Variants in TENT5B observed in about 807,000 individuals in gnomAD.
TENT5B encodes family with sequence similarity 46 member B.
TENT5B carries 12 observed loss-of-function variants against 21.7 expected under a neutral mutation model. The ratio of observed to expected loss-of-function variants is 0.55; its 90% CI spans 0.36 to 0.90. The LOEUF is 0.90. Among genes scored for constraint, TENT5B ranks in the 40% least tolerant of loss-of-function variants. TENT5B has a pLI of 0.01. For missense variants in TENT5B, 540 were observed against 601.5 expected, an observed-to-expected ratio of 0.90 and a Z score of 1.07; for synonymous variants, 262 against 266.6, an observed-to-expected ratio of 0.98 and a Z score of 0.17.
At chr1:27,008,977 CTTTTTTTTTTTTTTT>C (rs58360969) in intron 1 of TENT5B, among the ~76,000 whole-genome samples, 10 of 31,006 alleles carry the variant, frequency 3.2e-4, no homozygotes, top group African/African-American at 4.1e-4. Context: ...CTCCATCCTT[CTTTTTTTTTTTTTTT>C]TTTTTTTTTT....
At chr1:27,010,740 C>G (rs755245929) in intron 1 of TENT5B, among the ~76,000 whole-genome samples, 2 of 152,214 alleles carry the variant, frequency 1.3e-5, no homozygotes, top group Non-Finnish European at 2.9e-5. Context: ...GCTCCCTGTT[C>G]TGTGCTATCT....
At chr1:27,008,974 CTTCTTTTTTT>C (rs2082612729) in intron 1 of TENT5B, among the ~76,000 whole-genome samples, 1 of 106,368 alleles carries the variant, frequency 9.4e-6, no homozygotes, top group African/African-American at 3.9e-5. Context: ...TTCCTCCATC[CTTCTTTTTTT>C]TTTTTTTTTT....
intron 1 of TENT5B, among the ~76,000 whole-genome samples, chr1:27,011,378 T>C (rs931230095): frequency 6.6e-6 from 1 of 152,200 alleles, no homozygotes; most frequent in African/African-American, 2.4e-5. Flanking sequence ...CTGGGTTTCT[T>C]GGTTTCTTTT....
In TENT5B at chr1:27,006,449, A is replaced by G; in HGVS notation, c.773T>C (p.Leu258Pro). 6.2e-7 allele frequency: 1 copy of G among 1,613,676 alleles called. No individual in the cohort carries two copies. Among genetic ancestry groups the G allele is most frequent in the Non-Finnish European group, 8.5e-7 (1 of 1,179,876 alleles). Residue 258 changes from leucine (L) to proline (P), a missense_variant, in exon 2 of 2, where the codon CTG becomes CCG. Transcript: ENST00000289166. The surrounding 1 kb of genome is among the most constrained non-coding windows in gnomAD (Gnocchi z 9.4). Reference sequence around the variant, plus strand: ...GATGACACGGTGCCGCAGGTGCTCCAGGGCCTCGGTGAAGTCCCCGTACAG... The same window carrying G: ...GATGACACGGTGCCGCAGGTGCTCCGGGGCCTCGGTGAAGTCCCCGTACAG... ...ESLYGDFTEA[L>P]EHLRHRVIAT...
Position 27,006,980 on chromosome 1 carries a change from G to C in TENT5B, c.265-23C>G. On this transcript the variant is annotated intron_variant, in intron 1 of 1. Transcript: ENST00000289166. This position sits in a 1 kb window ranked among gnomAD's most constrained non-coding sequence, Gnocchi z 9.4. ...CACCTGCAGGGGAGAGCAGGAAGGA[G>C]AGGTGTCAGGAGCGGGCCTCAGGGG... is the stretch of plus-strand genomic sequence containing the variant. 1 of 1,547,104 alleles carries C rather than the reference G, an allele frequency of 6.5e-7. No individual in the cohort carries two copies. The highest frequency in any genetic ancestry group is 8.7e-7 in the Non-Finnish European group (1 of 1,145,110).
Position 27,006,748 on chromosome 1 carries a change from A to G in TENT5B, c.474T>C (p.Gly158=). 1 of 1,613,806 alleles carries G rather than the reference A, an allele frequency of 6.2e-7. No homozygotes were observed. Residue 158 remains glycine (G), a synonymous_variant, in exon 2 of 2, where the codon GGT becomes GGC. Coordinates refer to ENST00000289166, the MANE Select transcript of TENT5B (RefSeq NM_052943.4). This position sits in a 1 kb window ranked among gnomAD's most constrained non-coding sequence, Gnocchi z 9.4. Reference sequence around the variant, plus strand: ...GTGGCGTGATCTTGGCCCGGCTCACACCGGCCGGCAGGAAGTCTAGTAGGC... The same window carrying G: ...GTGGCGTGATCTTGGCCCGGCTCACGCCGGCCGGCAGGAAGTCTAGTAGGC... ...LACLLDFLPA[G]VSRAKITPLT... is the part of the protein sequence containing the mutation.
At chr1:27,007,770 T>C (rs1233265454) in intron 1 of TENT5B, among the ~76,000 whole-genome samples, 1 of 152,210 alleles carries the variant, frequency 6.6e-6, no homozygotes, top group Admixed American at 6.5e-5. Context: ...CTCAAACGTG[T>C]TGGGAATATG....
In TENT5B at chr1:27,012,573, C is replaced by T. The variant is rs1480818853; in HGVS notation, c.98G>A (p.Gly33Asp). 6.5e-7 allele frequency: 1 copy of T among 1,548,444 alleles called. No individual in the cohort carries two copies. The highest frequency in any genetic ancestry group is 1.2e-5 in the South Asian group (1 of 85,488). Residue 33 changes from glycine (G) to aspartate (D), a missense_variant, in exon 1 of 2, where the codon GGC becomes GAC. Transcript: ENST00000289166. ...ATAVATAAPA[G>D]GGPDPEALSA... Reference sequence around the variant, plus strand: ...TAAGGCCTCCGGGTCGGGGCCGCCGCCTGCCGGGGCTGCCGTGGCCACCGC... The same window carrying T: ...TAAGGCCTCCGGGTCGGGGCCGCCGTCTGCCGGGGCTGCCGTGGCCACCGC...
rs147673466 is a variant in TENT5B, at chr1:27,006,918, G to C, written c.304C>G (p.His102Asp). The change falls in exon 2 of 2, where the codon CAC becomes GAC. Residue 102 changes from histidine to aspartate, a missense_variant. Transcript: ENST00000289166. The surrounding 1 kb of genome is among the most constrained non-coding windows in gnomAD (Gnocchi z 9.4). ...STLEEQGLHVHSVRLHGSAAS... is the reference protein window; with the variant it reads ...STLEEQGLHVDSVRLHGSAAS... ...GCTGAACCATGCAGCCGCACACTGTGCACATGTAGTCCCTGCTCCTCCAGG... is the reference window on the plus strand; with the variant it reads ...GCTGAACCATGCAGCCGCACACTGTCCACATGTAGTCCCTGCTCCTCCAGG... 8.7e-6 allele frequency: 14 copies of C among 1,609,078 alleles called. No homozygotes were observed. Among genetic ancestry groups the C allele is most frequent in the Admixed American group, 3.3e-5 (2 of 59,836 alleles).
Position 27,012,511 on chromosome 1 carries a change from A to T in TENT5B, c.160T>A (p.Trp54Arg). 2 of 1,607,650 alleles carry T rather than the reference A, an allele frequency of 1.2e-6. No individual in the cohort carries two copies. The highest frequency in any genetic ancestry group is 8.5e-7 in the Non-Finnish European group (1 of 1,179,394). ...FPGRHLSGLS[W>R]PQVKRLDALL... ...GCGTCCAGTCGCTTCACCTGTGGCC[A>T]GCTCAGCCCACTCAGGTGCCGTCCG... Residue 54 changes from tryptophan (W) to arginine (R), a missense_variant, in exon 1 of 2, where the codon TGG becomes AGG. Physicochemically the swap from Trp to Arg is moderately radical, Grantham distance 101. Coordinates refer to ENST00000289166, the MANE Select transcript of TENT5B (RefSeq NM_052943.4).
rs1053654503 is a variant in TENT5B at position 27,005,687 on chromosome 1, C to A, written c.*257G>T. ...AAATTGACTTCCAAGACAAATGGCG[C>A]CTGCACCCCACCGGCATGCTGGTCC... On this transcript the variant is annotated 3_prime_UTR_variant, in exon 2 of 2. Coordinates refer to ENST00000289166, the MANE Select transcript of TENT5B (RefSeq NM_052943.4). 2.2e-6 allele frequency: 1 copy of A among 462,428 alleles called. No homozygotes were observed. Among genetic ancestry groups the A allele is most frequent in the Non-Finnish European group, 3.7e-6 (1 of 267,224 alleles). The allele number at this position is 462,428 out of a possible 1,614,324, so 28.6% of individuals were successfully genotyped here. A position where few individuals can be genotyped will look rare whatever the true frequency, so the allele number is the denominator to read the frequency against.
intron 1 of TENT5B, among the ~76,000 whole-genome samples, chr1:27,011,039 G>A (rs889899583): frequency 1.6e-4 from 25 of 152,168 alleles, no homozygotes; most frequent in African/African-American, 5.6e-4. Context: ...GCCATGCCTG[G>A]GGCCACAATC....
rs759430928 is a variant in TENT5B, at chr1:27,006,043, T to C, written c.1179A>G (p.Pro393=). Residue 393 remains proline, a synonymous_variant, in exon 2 of 2, where the codon CCA becomes CCG. Transcript: ENST00000289166. The surrounding 1 kb of genome is among the most constrained non-coding windows in gnomAD (Gnocchi z 9.4). The part of the protein sequence containing the change: ...AATAALAWRP[P]GTDGVVPATV... ...TGGCTGGCACAACCCCGTCAGTGCC[T>C]GGAGGGCGCCAGGCCAGGGCGGCAG... The C allele has an allele frequency of 6.2e-7, 1 of 1,611,468 alleles. No homozygotes were observed.
intron 1 of TENT5B, among the ~76,000 whole-genome samples, chr1:27,008,630 C>A (rs2082611254): frequency 6.6e-6 from 1 of 151,308 alleles, no homozygotes; most frequent in South Asian, 2.1e-4. Flanking sequence ...TTTTTTGAGT[C>A]TGAGTCTGTC....
chr1:27,012,378 C>G (rs377530137), intron 1 of TENT5B, 29 bp downstream of exon 1: 22 of 1,601,396 alleles, frequency 1.4e-5, no homozygotes, highest in Middle Eastern at 3.3e-4. Flanking sequence ...AAGGGATTCC[C>G]CCACATCCCC....
chr1:27,012,657 T>G lies in TENT5B; in HGVS notation c.14A>C (p.Glu5Ala), dbSNP rs2082630188. ...CCGGTCCCTGCGCTCAGCTCCGCTCTCCGACGGCATCATCCGCCCGGCCCC... is the reference window on the plus strand; with the variant it reads ...CCGGTCCCTGCGCTCAGCTCCGCTCGCCGACGGCATCATCCGCCCGGCCCC... MMPS[E>A]SGAERRDRAA... The change falls in exon 1 of 2, where the codon GAG becomes GCG. Residue 5 changes from glutamate (E) to alanine (A), a missense_variant. Physicochemically the swap from Glu to Ala is moderately radical, Grantham distance 107 (BLOSUM62 -1). Transcript: ENST00000289166. 6.8e-7 allele frequency: 1 copy of G among 1,468,652 alleles called. No homozygotes were observed. The highest frequency in any genetic ancestry group is 1.5e-5 in the African/African-American group (1 of 66,872). 91.0% of individuals were successfully genotyped at this position (1,468,652 alleles called of 1,614,324 possible).
intron 1 of TENT5B, among the ~76,000 whole-genome samples, chr1:27,010,380 T>G (rs1056864328): frequency 6.6e-6 from 1 of 151,966 alleles, no homozygotes; most frequent in Non-Finnish European, 1.5e-5. Flanking sequence ...TCAGCAGCAG[T>G]GAAAAGCCCC....
chr1:27,012,679 C>A lies in TENT5B; in HGVS notation c.-9G>T. The A allele has an allele frequency of 6.9e-7, 1 of 1,453,678 alleles. No individual in the cohort carries two copies. Among genetic ancestry groups the A allele is most frequent in the Non-Finnish European group, 8.9e-7 (1 of 1,117,590 alleles). 90.0% of individuals were successfully genotyped at this position (1,453,678 alleles called of 1,614,324 possible). On this transcript the variant is annotated 5_prime_UTR_variant, in exon 1 of 2. Coordinates refer to ENST00000289166, the MANE Select transcript of TENT5B (RefSeq NM_052943.4). ...CTCTCCGACGGCATCATCCGCCCGG[C>A]CCCCGGGCCCCGACGGCAGAAACCG...
At position 27,006,953 on chromosome 1, in the gene TENT5B, A is replaced by G; in HGVS notation, c.269T>C (p.Val90Ala). The change falls in exon 2 of 2, where the codon GTC becomes GCC. Residue 90 changes from valine to alanine, a missense_variant. Val to Ala is a moderately conservative substitution (Grantham distance 64, BLOSUM62 0). Coordinates refer to ENST00000289166, the MANE Select transcript of TENT5B (RefSeq NM_052943.4). The surrounding 1 kb of genome is among the most constrained non-coding windows in gnomAD (Gnocchi z 9.4). Reference protein sequence around the residue: ...SVQPRQIVQVVRSTLEEQGLH... With the variant: ...SVQPRQIVQVARSTLEEQGLH... ...TCCCTGCTCCTCCAGGGTGCTGCGG[A>G]CCACCTGCAGGGGAGAGCAGGAAGG... The G allele has an allele frequency of 6.3e-7, 1 of 1,579,940 alleles. No individual in the cohort carries two copies. The highest frequency in any genetic ancestry group is 8.6e-7 in the Non-Finnish European group (1 of 1,159,106).
Sources: allele counts gnomAD v4.1 joint callset (sites outside exome capture counted in the v4.1 genomes callset), GRCh38; gene constraint gnomAD v4.1.1; non-coding constraint Gnocchi (gnomAD v3.1); transcripts MANE v1.5; gene names NCBI Gene and HGNC (gene_info 2026-07-23, HGNC 2026-07-21).